ZMYM2: variants seen among roughly 807,000 people sequenced by gnomAD.
ZMYM2 encodes zinc finger MYM-type containing 2, also known as zinc finger MYM-type protein 2.
A neutral mutation model predicts 162.8 loss-of-function variants in ZMYM2; 56 were observed. The ratio of observed to expected loss-of-function variants is 0.34; its 90% CI spans 0.28 to 0.43. ZMYM2 has a LOEUF of 0.43. Among genes scored for constraint, ZMYM2 ranks in the 20% least tolerant of loss-of-function variants. The pLI is 1.00. For synonymous variants in ZMYM2, 510 were observed against 541.6 expected (o/e 0.94, Z 0.81); for missense variants, 1,275 against 1,621.8 (o/e 0.79, Z 3.67).
chr13:19,931,112 C>A, the ZMYM2 span, among the ~76,000 whole-genome samples: 1 of 144,662 alleles, frequency 6.9e-6, no homozygotes, highest in East Asian at 2.0e-4. Flanking sequence ...GCACTCCGGC[C>A]TGGGTGAAAG....
chr13:19,871,158 AAG>A, the ZMYM2 span, among the ~76,000 whole-genome samples: 1 of 152,206 alleles, frequency 6.6e-6, no homozygotes, highest in Non-Finnish European at 1.5e-5. Context: ...TGCCTATTGA[AAG>A]AGAAATACTT....
At chr13:20,067,509 G>A in intron 21 of ZMYM2, 119 bp downstream of exon 21, 1 of 1,045,016 alleles carries the variant, frequency 9.6e-7, no homozygotes, top group South Asian at 2.3e-5. Flanking sequence ...CTACAAAGTT[G>A]TATGTTTGCT....
the ZMYM2 span, among the ~76,000 whole-genome samples, chr13:19,894,772 A>G: frequency 6.6e-6 from 1 of 152,102 alleles, no homozygotes; most frequent in African/African-American, 2.4e-5. Flanking sequence ...AAAGTTGACA[A>G]ATTATAGTGT....
At chr13:19,931,129 ACTCT>A in the ZMYM2 span, among the ~76,000 whole-genome samples, 1 of 139,154 alleles carries the variant, frequency 7.2e-6, no homozygotes, top group Admixed American at 7.1e-5. Flanking sequence ...AAAGAGCGAG[ACTCT>A]CTCTCAAAAA....
chr13:20,025,149 A>G (rs957716786), intron 7 of ZMYM2: 1 of 206,826 alleles, frequency 4.8e-6, no homozygotes, highest in Admixed American at 5.9e-5. Context: ...TTTTGGCCTG[A>G]TTGTTATCTA....
the ZMYM2 span, among the ~76,000 whole-genome samples, chr13:19,867,587 G>C: frequency 2.6e-5 from 4 of 151,942 alleles, no homozygotes; most frequent in African/African-American, 9.7e-5. Flanking sequence ...TGAGATGACT[G>C]GTTGCTATAT....
At chr13:20,045,653 A>T (rs769191086) in intron 12 of ZMYM2, among the ~76,000 whole-genome samples, 4 of 152,150 alleles carry the variant, frequency 2.6e-5, no homozygotes, top group Non-Finnish European at 5.9e-5. Flanking sequence ...CTTTTGGATA[A>T]TCTCAAAACA....
intron 12 of ZMYM2, among the ~76,000 whole-genome samples, chr13:20,041,349 A>G (rs1396382011): frequency 6.6e-6 from 1 of 152,130 alleles, no homozygotes; most frequent in African/African-American, 2.4e-5. Flanking sequence ...TTGTTGGTTT[A>G]AAGTCTGTTT....
In ZMYM2 at chr13:20,088,213, AG is replaced by A. The variant is rs1270711284; in HGVS notation, c.*2204del. On this transcript the variant is annotated 3_prime_UTR_variant, in exon 25 of 25. Coordinates refer to ENST00000610343, the MANE Select transcript of ZMYM2 (RefSeq NM_197968.4). Reference sequence around the variant, plus strand: ...CCAACGATAGATTAACTTGATTCTCAGGGGGAAAAGAAAAACTTATTTTATG... The same window carrying A: ...CCAACGATAGATTAACTTGATTCTCAGGGGAAAAGAAAAACTTATTTTATG... The A allele has an allele frequency of 4.8e-6, 1 of 207,030 alleles. No individual in the cohort carries two copies. The highest frequency in any genetic ancestry group is 2.3e-5 in the African/African-American group (1 of 43,888). 12.8% of individuals were successfully genotyped at this position (207,030 alleles called of 1,614,324 possible). A position where few individuals can be genotyped will look rare whatever the true frequency, so the allele number is the denominator to read the frequency against.
the ZMYM2 span, among the ~76,000 whole-genome samples, chr13:19,902,223 G>A: frequency 6.6e-6 from 1 of 152,210 alleles, no homozygotes; most frequent in African/African-American, 2.4e-5. Flanking sequence ...ATAGAATGAT[G>A]ATTGCCAGTG....
At chr13:20,075,078 AAAGAT>A (rs1216344077) in intron 21 of ZMYM2, among the ~76,000 whole-genome samples, 6 of 152,198 alleles carry the variant, frequency 3.9e-5, no homozygotes, top group African/African-American at 1.2e-4. Flanking sequence ...AACTCAGTGT[AAAGAT>A]AAGATAACTA....
At chr13:20,046,619 GTATATA>G (rs1200652740) in intron 12 of ZMYM2, among the ~76,000 whole-genome samples, 1 of 59,060 alleles carries the variant, frequency 1.7e-5, no homozygotes, top group Non-Finnish European at 3.3e-5. Flanking sequence ...ATATATATGT[GTATATA>G]TATGTGTATA....
chr13:19,983,600 C>T (rs561874198), intron 2 of ZMYM2, among the ~76,000 whole-genome samples: 8 of 152,144 alleles, frequency 5.3e-5, no homozygotes, highest in South Asian at 4.2e-4. Context: ...ATAATTCCTT[C>T]TTCCTATTTT....
chr13:19,915,110 T>C, the ZMYM2 span, among the ~76,000 whole-genome samples: 27 of 152,178 alleles, frequency 1.8e-4, no homozygotes, highest in African/African-American at 6.5e-4. Context: ...TACAGGCATG[T>C]GCCACCATAC....
chr13:20,059,622 A>T, intron 16 of ZMYM2, 60 bp downstream of exon 16: 2 of 808,952 alleles, frequency 2.5e-6, no homozygotes. Context: ...TTGGGAAAAC[A>T]GTGTACAGTT....
At chr13:19,926,384 G>A in the ZMYM2 span, among the ~76,000 whole-genome samples, 12 of 110,336 alleles carry the variant, frequency 1.1e-4, no homozygotes, top group African/African-American at 4.6e-4. Flanking sequence ...TTTTTTTTTA[G>A]TAAGAGTCTC....
chr13:19,992,838 A>G (rs1949732498), intron 2 of ZMYM2, among the ~76,000 whole-genome samples: 2 of 152,132 alleles, frequency 1.3e-5, no homozygotes, highest in African/African-American at 2.4e-5. Flanking sequence ...TAATTATCCA[A>G]TAAAAATTGG....
intron 6 of ZMYM2, among the ~76,000 whole-genome samples, chr13:20,006,964 T>C (rs756580401): frequency 2.6e-4 from 39 of 152,228 alleles, no homozygotes; most frequent in Non-Finnish European, 2.9e-4. Flanking sequence ...GTATGTAGAT[T>C]ATTGGCAGTA....
the ZMYM2 span, chr13:19,864,533 TGGAG>T: frequency 6.5e-6 from 1 of 154,672 alleles, no homozygotes; most frequent in Non-Finnish European, 1.5e-5. Flanking sequence ...TCAACCAAGA[TGGAG>T]GGAGCTGCAG....
Sources: allele counts gnomAD v4.1 joint callset (sites outside exome capture counted in the v4.1 genomes callset), GRCh38; gene constraint gnomAD v4.1.1; transcripts MANE v1.5; gene names NCBI Gene and HGNC (gene_info 2026-07-23, HGNC 2026-07-21).